The following CACNA2D4 variants were observed in gnomAD, a reference collection of about 807,000 sequenced individuals.
CACNA2D4 encodes the protein voltage-dependent calcium channel subunit alpha-2/delta-4.
A neutral mutation model predicts 163.8 loss-of-function variants in CACNA2D4; 157 were observed. The observed-to-expected ratio is 0.96, with a 90% CI of 0.84 to 1.09. CACNA2D4 has a LOEUF of 1.09. Ranked by LOEUF, CACNA2D4 falls within the 50% of genes least tolerant of loss-of-function variation. The pLI, the probability that CACNA2D4 is intolerant of heterozygous loss-of-function variation, is 0.00. For missense variants in CACNA2D4, 1,410 were observed against 1,479.9 expected (o/e 0.95, Z 0.78); for synonymous variants, 598 against 586.9 (o/e 1.02, Z -0.27).
Position 1,904,236 on chromosome 12 carries a change from G to A in CACNA2D4, c.781+3204C>T, listed in dbSNP as rs547013284. On this transcript the variant is annotated intron_variant, in intron 6 of 37. Coordinates refer to ENST00000382722, the MANE Select transcript of CACNA2D4 (RefSeq NM_172364.5). ...CAGAGGCTGGGAAGGGTAGCGATGG[G>A]GTTGGGGAGAAGTGGGATGGTTAAT... Among the ~76,000 whole-genome samples the A allele has an allele frequency of 9.9e-5, 15 of 152,030 alleles. No homozygotes were observed. In the South Asian group the frequency reaches 2.9e-3, roughly 29 times the overall value.
chr12:1,913,106 C>T lies in CACNA2D4; in HGVS notation c.343G>A (p.Glu115Lys), dbSNP rs770767829. ...YKDVESSLKI[E>K]EVDGLELVRK... Reference sequence around the variant, plus strand: ...ACCAGCTCCAAGCCATCCACCTCCTCGATCTTCAGACTGGACTCCACATCC... The same window carrying T: ...ACCAGCTCCAAGCCATCCACCTCCTTGATCTTCAGACTGGACTCCACATCC... The change falls in exon 3 of 38, where the codon GAG becomes AAG. Residue 115 changes from glutamate to lysine, a missense_variant. Transcript: ENST00000382722. 3.1e-6 allele frequency: 5 copies of T among 1,613,634 alleles called. No individual in the cohort carries two copies. The highest frequency in any genetic ancestry group is 1.3e-5 in the African/African-American group (1 of 74,906).
Position 1,918,377 on chromosome 12 carries a change from G to T in CACNA2D4, c.97C>A (p.Arg33Ser). The change falls in exon 1 of 38, where the codon CGC (arginine) becomes AGC (serine). Residue 33 changes from arginine (R) to serine (S), a missense_variant. Coordinates refer to ENST00000382722, the MANE Select transcript of CACNA2D4 (RefSeq NM_172364.5). ...GGCATTGGCTGGAGGGGAATCCAGC[G>T]GCTGCTGGAGCTGGGGTTTGCGAGG... ...NFLANPSSSS[R>S]WIPLQPMPVA... is the part of the protein sequence containing the mutation. 3 of 1,603,544 alleles carry T rather than the reference G, an allele frequency of 1.9e-6. No homozygotes were observed. Among genetic ancestry groups the T allele is most frequent in the Non-Finnish European group, 2.6e-6 (3 of 1,175,324 alleles).
rs1865725451 is a variant in CACNA2D4, at chr12:1,869,508, G to A, written c.1878+5096C>T. Among the ~76,000 whole-genome samples the A allele has an allele frequency of 6.6e-6, 1 of 152,198 alleles. No individual in the cohort carries two copies. Among genetic ancestry groups the A allele is most frequent in the South Asian group, 2.1e-4 (1 of 4,832 alleles). On this transcript the variant is annotated intron_variant, in intron 18 of 37. Transcript: ENST00000382722. The surrounding 1 kb of genome is among the most constrained non-coding windows in gnomAD (Gnocchi z 4.7). ...CCATCCTGATGGGTAGAGTTGGTGA[G>A]TGACAGATGTGGGTTTCAGTTTGTT...
chr12:1,867,672 A>C (rs908188196), intron 18 of CACNA2D4, among the ~76,000 whole-genome samples: 3 of 152,322 alleles, frequency 2.0e-5, no homozygotes, highest in Admixed American at 6.5e-5. Context: ...AAGGGACATA[A>C]AAATCTTATA....
intron 31 of CACNA2D4, 114 bp downstream of exon 31, chr12:1,800,929 G>A (rs1330028444): frequency 2.2e-6 from 2 of 913,402 alleles, no homozygotes; most frequent in Non-Finnish European, 3.5e-6. Flanking sequence ...TCAAGGTAGG[G>A]CCCTGGGGCC....
At chr12:1,858,742 C>T (rs955228393) in intron 19 of CACNA2D4, 98 bp from the exon 20 acceptor site, 2 of 844,212 alleles carry the variant, frequency 2.4e-6, no homozygotes, top group African/African-American at 1.7e-5. Context: ...GGTGTATGGG[C>T]TTTTTGTACC....
intron 18 of CACNA2D4, 82 bp from the exon 19 acceptor site, chr12:1,860,288 T>A: frequency 1.0e-6 from 1 of 998,598 alleles, no homozygotes; most frequent in Non-Finnish European, 1.6e-6. Flanking sequence ...GCTCTTGGGG[T>A]CTTCATCGTC....
At chr12:1,831,452 C>A (rs376511031) in intron 26 of CACNA2D4, 35 of 1,613,988 alleles carry the variant, frequency 2.2e-5, no homozygotes, top group Non-Finnish European at 2.9e-5. Flanking sequence ...TGCTGCAGGT[C>A]GGGGATAACC....
intron 6 of CACNA2D4, among the ~76,000 whole-genome samples, chr12:1,891,245 G>A (rs1866274146): frequency 6.6e-6 from 1 of 152,148 alleles, no homozygotes; most frequent in South Asian, 2.1e-4. Flanking sequence ...TGGCATCCTT[G>A]TCCCCAGAAA....
rs540612893 is a variant in CACNA2D4 at position 1,829,167 on chromosome 12, T to TGGG, written c.2551+11569_2551+11571dup. On this transcript the variant is annotated intron_variant, in intron 26 of 37. Coordinates refer to ENST00000382722, the MANE Select transcript of CACNA2D4 (RefSeq NM_172364.5). The surrounding 1 kb of genome is among the most constrained non-coding windows in gnomAD (Gnocchi z 4.2). ...TATGCCACCTTGATCTCCAGGGAGG[T>TGGG]GGGGGGCGCAGGGAGTCGCTCTTCC... Among the ~76,000 whole-genome samples, 26 of 151,868 alleles carry TGGG rather than the reference T, an allele frequency of 1.7e-4. No homozygotes were observed. The highest frequency in any genetic ancestry group is 5.3e-4 in the African/African-American group (22 of 41,388).
chr12:1,821,085 G>T (rs932672098), intron 26 of CACNA2D4, among the ~76,000 whole-genome samples: 1 of 152,190 alleles, frequency 6.6e-6, no homozygotes, highest in Admixed American at 6.5e-5. Context: ...CAGCGCTGGC[G>T]CCAGATGACA....
intron 23 of CACNA2D4, 125 bp downstream of exon 23, chr12:1,853,826 A>G (rs2041141): frequency 0.9 from 608,360 of 675,438 alleles, 274,640 homozygotes; most frequent in East Asian, 1. Context: ...ACCTCCACTT[A>G]ATCTTAGGCC....
rs1402104017 is a variant in CACNA2D4 at position 1,798,602 on chromosome 12, G to C, written c.2996-1067C>G. The stretch of plus-strand genomic sequence containing the variant: ...GTGGCGTCCCCAGGGTCACGCAGTG[G>C]AAGGGGCTGCAGCACCTACGCCCCG... On this transcript the variant is annotated intron_variant, in intron 34 of 37. Coordinates refer to ENST00000382722, the MANE Select transcript of CACNA2D4 (RefSeq NM_172364.5). This position sits in a 1 kb window ranked among gnomAD's most constrained non-coding sequence, Gnocchi z 4.3. Among the ~76,000 whole-genome samples the C allele has an allele frequency of 6.6e-6, 1 of 152,172 alleles. No homozygotes were observed. Among genetic ancestry groups the C allele is most frequent in the Non-Finnish European group, 1.5e-5 (1 of 68,004 alleles).
rs1280246694 is a variant in CACNA2D4 at position 1,895,959 on chromosome 12, C to T, written c.782-8890G>A. Among the ~76,000 whole-genome samples, 3 of 152,012 alleles carry T rather than the reference C, an allele frequency of 2.0e-5. No homozygotes were observed. The East Asian group carries it at 5.8e-4, about 29-fold the overall frequency. On this transcript the variant is annotated intron_variant, in intron 6 of 37. Coordinates refer to ENST00000382722, the MANE Select transcript of CACNA2D4 (RefSeq NM_172364.5). The stretch of plus-strand genomic sequence containing the variant: ...TGGCCTCAAGCCAGCTAATTTTCAA[C>T]GAAGGCACCAAGAACATACAACAAG...
chr12:1,811,937 C>A, intron 26 of CACNA2D4: 1 of 581,014 alleles, frequency 1.7e-6, no homozygotes, highest in Non-Finnish European at 3.1e-6. Context: ...CTCGTTCCCA[C>A]TGGAAGAAGA....
chr12:1,828,051 T>C lies in CACNA2D4; in HGVS notation c.2551+12688A>G, dbSNP rs1030876278. On this transcript the variant is annotated intron_variant, in intron 26 of 37. Transcript: ENST00000382722. The surrounding 1 kb of genome is among the most constrained non-coding windows in gnomAD (Gnocchi z 4.2). Reference sequence around the variant, plus strand: ...GGAACGGGGCTCCCGCGCCTGCCTGTGCTCAGTGCTCCTCCCTCCCTCAGG... The same window carrying C: ...GGAACGGGGCTCCCGCGCCTGCCTGCGCTCAGTGCTCCTCCCTCCCTCAGG... 5.0e-6 allele frequency: 6 copies of C among 1,201,586 alleles called. No homozygotes were observed. Among genetic ancestry groups the C allele is most frequent in the African/African-American group, 1.6e-5 (1 of 63,810 alleles). The allele number at this position is 1,201,586 out of a possible 1,614,324, so 74.4% of individuals were successfully genotyped here.
At chr12:1,810,623 C>A (rs1179283911) in intron 27 of CACNA2D4, 36 bp from the exon 28 acceptor site, 1 of 1,547,872 alleles carries the variant, frequency 6.5e-7, no homozygotes, top group Non-Finnish European at 8.7e-7. Flanking sequence ...GTGGACACTG[C>A]ATGTGTAGTA....
At position 1,809,526 on chromosome 12, in the gene CACNA2D4, G is replaced by A. The variant is rs901272129; in HGVS notation, c.2721+752C>T. 8 of 702,890 alleles carry A rather than the reference G, an allele frequency of 1.1e-5. No individual in the cohort carries two copies. In the Admixed American group the frequency reaches 1.4e-4, roughly 12 times the overall value. The allele number at this position is 702,890 out of a possible 1,614,324, so 43.5% of individuals were successfully genotyped here. A position where few individuals can be genotyped will look rare whatever the true frequency, so the allele number is the denominator to read the frequency against. On this transcript the variant is annotated intron_variant, in intron 29 of 37. Transcript: ENST00000382722. Reference sequence around the variant, plus strand: ...ACATCTGGTGAATATATCTGGATTTGCTTCAGGTTTGAATGGGCTTCTTTC... The same window carrying A: ...ACATCTGGTGAATATATCTGGATTTACTTCAGGTTTGAATGGGCTTCTTTC...
rs1442887040 is a variant in CACNA2D4, at chr12:1,883,586, G to A, written c.1352-586C>T. On this transcript the variant is annotated intron_variant, in intron 12 of 37. Coordinates refer to ENST00000382722, the MANE Select transcript of CACNA2D4 (RefSeq NM_172364.5). This position sits in a 1 kb window ranked among gnomAD's most constrained non-coding sequence, Gnocchi z 4.5. ...CACCGTGTTCATCCCCCTCGCCAGTGAGATGCAGCACCTCTCTGCTCCCAG... is the reference window on the plus strand; with the variant it reads ...CACCGTGTTCATCCCCCTCGCCAGTAAGATGCAGCACCTCTCTGCTCCCAG... Among the ~76,000 whole-genome samples the A allele has an allele frequency of 1.3e-5, 2 of 152,156 alleles. No homozygotes were observed. The highest frequency in any genetic ancestry group is 2.9e-5 in the Non-Finnish European group (2 of 68,020).
Sources: allele counts gnomAD v4.1 joint callset (sites outside exome capture counted in the v4.1 genomes callset), GRCh38; gene constraint gnomAD v4.1.1; non-coding constraint Gnocchi (gnomAD v3.1); transcripts MANE v1.5; gene names NCBI Gene and HGNC (gene_info 2026-07-23, HGNC 2026-07-21).